EYA2: variants seen among roughly 807,000 people sequenced by gnomAD.
EYA2 encodes protein phosphatase EYA2.
In EYA2, 31 loss-of-function variants were observed where a neutral mutation model predicts 69.2. That is an observed-to-expected ratio of 0.45 (90% confidence interval 0.34 to 0.60). EYA2 has a LOEUF of 0.60. EYA2 is among the 20% of genes least tolerant of loss of function. The probability of loss-of-function intolerance (pLI) is 0.02; values close to 1 mark genes in which losing one functional copy is unlikely to be tolerated. For synonymous variants in EYA2, 257 were observed against 279.4 expected (o/e 0.92, Z 0.80); for missense variants, 622 against 701.2 (o/e 0.89, Z 1.28).
chr20:46,947,008 G>A (rs6066132), intron 1 of EYA2, among the ~76,000 whole-genome samples: 48,120 of 152,098 alleles, frequency 0.32, 9,424 homozygotes, highest in Non-Finnish European at 0.44. Flanking sequence ...TTCATTCTGT[G>A]TTATCTATGG....
intron 1 of EYA2, among the ~76,000 whole-genome samples, chr20:46,987,053 G>T (rs754723008): frequency 8.5e-5 from 13 of 152,134 alleles, no homozygotes; most frequent in African/African-American, 1.2e-4. Context: ...TACAAAGATG[G>T]GTAAAACATA....
intron 5 of EYA2, among the ~76,000 whole-genome samples, chr20:47,037,095 A>C (rs1450521799): frequency 2.0e-5 from 3 of 152,180 alleles, no homozygotes; most frequent in Non-Finnish European, 4.4e-5. Flanking sequence ...GGTGGCAGGA[A>C]GGAGAAGTGC....
intron 7 of EYA2, among the ~76,000 whole-genome samples, chr20:47,087,744 G>T (rs2031941094): frequency 6.6e-6 from 1 of 152,180 alleles, no homozygotes; most frequent in African/African-American, 2.4e-5. Flanking sequence ...AAAGTGAGAA[G>T]CAGCAAGGAC....
At chr20:46,956,530 A>G (rs1197327009) in intron 1 of EYA2, among the ~76,000 whole-genome samples, 2 of 152,182 alleles carry the variant, frequency 1.3e-5, no homozygotes, top group Admixed American at 6.5e-5. Flanking sequence ...GGCAAGTCCA[A>G]TCAGCAGGTA....
chr20:47,053,302 A>G (rs907775414), intron 5 of EYA2, among the ~76,000 whole-genome samples: 1 of 152,222 alleles, frequency 6.6e-6, no homozygotes, highest in Non-Finnish European at 1.5e-5. Flanking sequence ...TCTTTATGAA[A>G]AGCGAATGCC....
chr20:47,121,840 C>T (rs1362434777), intron 9 of EYA2, among the ~76,000 whole-genome samples: 2 of 152,102 alleles, frequency 1.3e-5, no homozygotes, highest in African/African-American at 2.4e-5. Context: ...AGACCCAGAA[C>T]TCCAAAGGCC....
At chr20:47,132,971 ATGC>A (rs565335241) in intron 9 of EYA2, among the ~76,000 whole-genome samples, 166 of 152,334 alleles carry the variant, frequency 1.1e-3, no homozygotes, top group African/African-American at 3.8e-3. Flanking sequence ...GGCCTTGTCT[ATGC>A]CGCAAACACC....
chr20:47,117,446 T>A, intron 9 of EYA2: 1 of 985,304 alleles, frequency 1.0e-6, no homozygotes, highest in Non-Finnish European at 1.2e-6. Context: ...TGACCTGATC[T>A]CCACAGCTCC....
intron 1 of EYA2, among the ~76,000 whole-genome samples, chr20:46,916,769 T>C (rs1984927290): frequency 6.6e-6 from 1 of 152,070 alleles, no homozygotes. Flanking sequence ...CTCACTTTCT[T>C]CCCAGAGCAG....
intron 14 of EYA2, among the ~76,000 whole-genome samples, chr20:47,181,917 CA>C (rs1419147261): frequency 6.6e-6 from 1 of 152,128 alleles, no homozygotes; most frequent in Non-Finnish European, 1.5e-5. Flanking sequence ...CTGCATACCT[CA>C]AGTACCTTTG....
rs527771035 is a variant in EYA2 at position 47,164,458 on chromosome 20, C to G, written c.979-4681C>G. Among the ~76,000 whole-genome samples the G allele has an allele frequency of 5.3e-5, 8 of 152,304 alleles. No homozygotes were observed. In the East Asian group the frequency reaches 1.3e-3, roughly 26 times the overall value. Reference sequence around the variant, plus strand: ...GGTGACCCCAGGAGTGGCTCCAGAGCTTGAGGAAAGGCCTGGGGGGCGGAG... The same window carrying G: ...GGTGACCCCAGGAGTGGCTCCAGAGGTTGAGGAAAGGCCTGGGGGGCGGAG... On this transcript the variant is annotated intron_variant, in intron 10 of 15. Coordinates refer to ENST00000327619, the MANE Select transcript of EYA2 (RefSeq NM_005244.5).
At chr20:46,907,425 G>A (rs530178022) in intron 1 of EYA2, among the ~76,000 whole-genome samples, 28 of 152,344 alleles carry the variant, frequency 1.8e-4, no homozygotes, top group Non-Finnish European at 7.3e-5. Flanking sequence ...AGCAGCCTGT[G>A]GGAGGGTCTT....
chr20:46,996,592 ATTGT>A (rs564265886), intron 2 of EYA2, among the ~76,000 whole-genome samples: 97 of 152,152 alleles, frequency 6.4e-4, no homozygotes, highest in Admixed American at 3.9e-4. Context: ...CATTTGTGTG[ATTGT>A]TTGTCATCCA....
chr20:46,956,619 C>T (rs562039850), intron 1 of EYA2, among the ~76,000 whole-genome samples: 1 of 152,202 alleles, frequency 6.6e-6, no homozygotes, highest in Non-Finnish European at 1.5e-5. Flanking sequence ...CTCTTCTGCT[C>T]ATGGTCCATT....
At chr20:47,165,410 C>T (rs562653532) in intron 10 of EYA2, among the ~76,000 whole-genome samples, 83 of 152,306 alleles carry the variant, frequency 5.4e-4, no homozygotes, top group African/African-American at 2.0e-3. Flanking sequence ...TCCACTCCCC[C>T]ACTTCCCAGT....
intron 1 of EYA2, among the ~76,000 whole-genome samples, chr20:46,952,344 G>A (rs1269324253): frequency 4.6e-5 from 7 of 152,126 alleles, no homozygotes; most frequent in Non-Finnish European, 8.8e-5. Context: ...GTCAGGGGCG[G>A]GATCAGACAG....
At chr20:47,095,021 A>G (rs959548195) in intron 8 of EYA2, among the ~76,000 whole-genome samples, 3 of 151,704 alleles carry the variant, frequency 2.0e-5, no homozygotes, top group Admixed American at 2.0e-4. Flanking sequence ...CTCAAAAAAA[A>G]TTTTTTTAAT....
chr20:47,107,911 GAAGCT>G (rs1009730769), intron 9 of EYA2, among the ~76,000 whole-genome samples: 18 of 152,160 alleles, frequency 1.2e-4, no homozygotes, highest in African/African-American at 4.3e-4. Context: ...GCCACACAGA[GAAGCT>G]AAATTTTGAA....
intron 1 of EYA2, among the ~76,000 whole-genome samples, chr20:46,977,195 T>G (rs577525894): frequency 6.6e-6 from 1 of 152,262 alleles, no homozygotes; most frequent in African/African-American, 2.4e-5. Context: ...GTTTATAAGC[T>G]ATTTATCCTA....
Sources: allele counts gnomAD v4.1 joint callset (sites outside exome capture counted in the v4.1 genomes callset), GRCh38; gene constraint gnomAD v4.1.1; transcripts MANE v1.5; gene names NCBI Gene and HGNC (gene_info 2026-07-23, HGNC 2026-07-21).